Variants in TRPM1 observed in about 807,000 individuals in gnomAD.
TRPM1 encodes transient receptor potential cation channel subfamily M member 1.
In TRPM1, 113 loss-of-function variants were observed where a neutral mutation model predicts 149.4. That is an observed-to-expected ratio of 0.76 (90% CI 0.65 to 0.88). TRPM1 has a LOEUF of 0.88. Among genes scored for constraint, TRPM1 ranks in the 40% least tolerant of loss-of-function variants. The pLI is 0.00. For synonymous variants in TRPM1, 741 were observed against 759.5 expected, an observed-to-expected ratio of 0.98 and a Z score of 0.40; for missense variants, 1,976 against 2,038.7, an observed-to-expected ratio of 0.97 and a Z score of 0.59.
intron 1 of TRPM1, among the ~76,000 whole-genome samples, chr15:31,138,721 A>G (rs1367093082): frequency 1.3e-5 from 2 of 152,134 alleles, no homozygotes; most frequent in African/African-American, 4.8e-5. Context: ...AAATAAATGA[A>G]AATTTAAAAA....
In TRPM1 at chr15:31,001,333, C is replaced by CTT. The variant is rs547146877; in HGVS notation, c.*487_*488dup. On this transcript the variant is annotated 3_prime_UTR_variant, in exon 28 of 28. Coordinates refer to ENST00000256552, the MANE Select transcript of TRPM1 (RefSeq NM_001252024.2). The stretch of plus-strand genomic sequence containing the variant: ...TTTCTCTTTCTTACACAGTTGCTTA[C>CTT]TTTTTTTTTTTTTTTTAAGAGATGG... 79 of 138,760 alleles carry CTT rather than the reference C, an allele frequency of 5.7e-4. 1 individual carries two copies. Among genetic ancestry groups the CTT allele is most frequent in the South Asian group, 4.8e-3 (20 of 4,150 alleles). 8.6% of individuals were successfully genotyped at this position (138,760 alleles called of 1,614,324 possible). A position where few individuals can be genotyped will look rare whatever the true frequency, so the allele number is the denominator to read the frequency against.
intron 1 of TRPM1, among the ~76,000 whole-genome samples, chr15:31,156,185 A>G (rs2036373569): frequency 7.6e-6 from 1 of 131,026 alleles, no homozygotes; most frequent in South Asian, 2.8e-4. Flanking sequence ...TGACAGAGCG[A>G]GACCTCTGTC....
intron 9 of TRPM1, among the ~76,000 whole-genome samples, chr15:31,062,187 C>A (rs377607582): frequency 6.6e-6 from 1 of 152,112 alleles, no homozygotes; most frequent in African/African-American, 2.4e-5. Context: ...CTTATGTGCA[C>A]GACAAGAGTA....
intron 1 of TRPM1, among the ~76,000 whole-genome samples, chr15:31,119,482 T>A (rs1469590889): frequency 2.0e-5 from 3 of 152,104 alleles, no homozygotes; most frequent in Non-Finnish European, 2.9e-5. Context: ...TTGTCACCAG[T>A]ACATCTACTT....
intron 27 of TRPM1, among the ~76,000 whole-genome samples, chr15:31,010,509 T>C (rs1225747587): frequency 6.6e-6 from 1 of 152,228 alleles, no homozygotes; most frequent in Non-Finnish European, 1.5e-5. Flanking sequence ...TTCTAATTTC[T>C]CTTGTGATTT....
intron 25 of TRPM1, among the ~76,000 whole-genome samples, 188 bp downstream of exon 25, chr15:31,028,144 A>G (rs148502592): frequency 1.3e-5 from 2 of 152,348 alleles, no homozygotes; most frequent in Admixed American, 6.5e-5. Context: ...TTAAGTGTCA[A>G]CTCTTGATTT....
intron 1 of TRPM1, among the ~76,000 whole-genome samples, chr15:31,151,529 C>A (rs1301175403): frequency 1.3e-5 from 2 of 152,218 alleles, no homozygotes; most frequent in African/African-American, 4.8e-5. Flanking sequence ...GAGCAGCTAC[C>A]CTACAGAAGG....
At chr15:31,112,090 A>G (rs2035697719) in intron 1 of TRPM1, among the ~76,000 whole-genome samples, 2 of 152,236 alleles carry the variant, frequency 1.3e-5, no homozygotes, top group Admixed American at 1.3e-4. Context: ...GAGTGTGAGC[A>G]TACAGAGCTT....
intron 1 of TRPM1, among the ~76,000 whole-genome samples, chr15:31,112,445 T>C (rs2035703132): frequency 6.6e-6 from 1 of 152,212 alleles, no homozygotes; most frequent in Non-Finnish European, 1.5e-5. Flanking sequence ...GCCACTGCAC[T>C]CCAGTCTGGG....
At chr15:31,113,635 A>G (rs779290847) in intron 1 of TRPM1, among the ~76,000 whole-genome samples, 2 of 152,032 alleles carry the variant, frequency 1.3e-5, no homozygotes, top group Non-Finnish European at 2.9e-5. Context: ...TTACTGTACA[A>G]ATTATTTTAT....
At chr15:31,126,008 C>A (rs1393186346) in intron 1 of TRPM1, among the ~76,000 whole-genome samples, 1 of 147,292 alleles carries the variant, frequency 6.8e-6, no homozygotes, top group East Asian at 2.1e-4. Context: ...GGCGGGCACC[C>A]GTAATCCCAG....
chr15:31,129,118 C>T (rs889442636), intron 1 of TRPM1, among the ~76,000 whole-genome samples: 2 of 152,192 alleles, frequency 1.3e-5, no homozygotes, highest in African/African-American at 2.4e-5. Flanking sequence ...TTTGGAGCTT[C>T]GTGTAGCGCT....
Position 31,045,218 on chromosome 15 carries a change from C to T in TRPM1, c.1794+986G>A, listed in dbSNP as rs532686706. Among the ~76,000 whole-genome samples the T allele has an allele frequency of 2.9e-4, 44 of 152,292 alleles. No individual in the cohort carries two copies. In the South Asian group the frequency reaches 7.7e-3, roughly 27 times the overall value. On this transcript the variant is annotated intron_variant, in intron 16 of 27. Coordinates refer to ENST00000256552, the MANE Select transcript of TRPM1 (RefSeq NM_001252024.2). The stretch of plus-strand genomic sequence containing the variant: ...CGTCTACACTGAATCCATGAAGAAT[C>T]GGGATGCTGTTTAGCTCATAAATTT...
chr15:31,001,900 G>A lies in TRPM1; in HGVS notation c.4800C>T (p.Ser1600=). 1 of 1,613,940 alleles carries A rather than the reference G, an allele frequency of 6.2e-7. No individual in the cohort carries two copies. ...CTGTCATTCCAGACACAATTACTAA[G>A]CTGCTTACACTACTGGCATGTCCAG... ...DRSGHASSVS[S]LVIVSGMTAE... The change falls in exon 28 of 28, where the codon AGC becomes AGT. Residue 1600 remains serine (S), a synonymous_variant. Transcript: ENST00000256552.
intron 3 of TRPM1, among the ~76,000 whole-genome samples, chr15:31,075,395 G>A (rs914862422): frequency 2.0e-5 from 3 of 152,132 alleles, no homozygotes; most frequent in Admixed American, 6.5e-5. Context: ...CTTCCTGATC[G>A]ATTGTCCCAT....
In TRPM1 at chr15:31,040,029, A is replaced by T. The variant is rs1435607967; in HGVS notation, c.2316+89T>A. The T allele has an allele frequency of 8.5e-7, 1 of 1,171,860 alleles. No homozygotes were observed. The highest frequency in any genetic ancestry group is 1.3e-6 in the Non-Finnish European group (1 of 787,782). 72.6% of individuals were successfully genotyped at this position (1,171,860 alleles called of 1,614,324 possible). A position where few individuals can be genotyped will look rare whatever the true frequency, so the allele number is the denominator to read the frequency against. On this transcript the variant is annotated intron_variant, in intron 18 of 27. Coordinates refer to ENST00000256552, the MANE Select transcript of TRPM1 (RefSeq NM_001252024.2). This position sits in a 1 kb window ranked among gnomAD's most constrained non-coding sequence, Gnocchi z 4.2. ...AGGGGGTTGCTAGAAGGAATAAATGAAATAAGCCACAGAAAGTGCTCAGTT... is the reference window on the plus strand; with the variant it reads ...AGGGGGTTGCTAGAAGGAATAAATGTAATAAGCCACAGAAAGTGCTCAGTT...
chr15:31,072,138 G>C (rs1270541555), intron 3 of TRPM1, among the ~76,000 whole-genome samples: 3 of 150,554 alleles, frequency 2.0e-5, no homozygotes, highest in Non-Finnish European at 4.4e-5. Flanking sequence ...AAGAAACTTG[G>C]CATGGCATAT....
chr15:31,081,541 C>G (rs1596049984), intron 1 of TRPM1, 103 bp from the exon 2 acceptor site: 1 of 721,158 alleles, frequency 1.4e-6, no homozygotes, highest in South Asian at 1.8e-5. Context: ...AGTCTCTGCT[C>G]TAATGTGGCC....
rs940133943 is a variant in TRPM1 at position 31,033,872 on chromosome 15, G to A, written c.2701-932C>T. On this transcript the variant is annotated intron_variant, in intron 21 of 27. Coordinates refer to ENST00000256552, the MANE Select transcript of TRPM1 (RefSeq NM_001252024.2). The stretch of plus-strand genomic sequence containing the variant: ...GCAGCACCTGCAGAATTTGAATGAG[G>A]CCCAGCTAGAAAAGGAACAGTAGTA... 1.2e-4 allele frequency among the ~76,000 whole-genome samples: 18 copies of A among 152,260 alleles called. No individual in the cohort carries two copies. In the East Asian group the frequency reaches 3.5e-3, roughly 29 times the overall value.
Sources: allele counts gnomAD v4.1 joint callset (sites outside exome capture counted in the v4.1 genomes callset), GRCh38; gene constraint gnomAD v4.1.1; non-coding constraint Gnocchi (gnomAD v3.1); transcripts MANE v1.5; gene names NCBI Gene and HGNC (gene_info 2026-07-23, HGNC 2026-07-21).